TMTC4: variants seen among roughly 807,000 people sequenced by gnomAD.
TMTC4 encodes transmembrane O-mannosyltransferase targeting cadherins 4, also known as protein O-mannosyl-transferase TMTC4.
In TMTC4, 65 loss-of-function variants were observed where a neutral mutation model predicts 86.0. The observed-to-expected ratio is 0.76, with a 90% CI of 0.62 to 0.93. TMTC4 has a LOEUF of 0.93. TMTC4 is among the 40% of genes least tolerant of loss of function. The probability of loss-of-function intolerance (pLI) is 0.00; values close to 1 mark genes in which losing one functional copy is unlikely to be tolerated. For synonymous variants in TMTC4, 379 were observed against 382.5 expected (o/e 0.99, Z 0.11); for missense variants, 866 against 948.1 (o/e 0.91, Z 1.14).
At chr13:100,632,358 T>C (rs907956527) in intron 12 of TMTC4, among the ~76,000 whole-genome samples, 18 of 152,176 alleles carry the variant, frequency 1.2e-4, no homozygotes, top group African/African-American at 4.1e-4. Flanking sequence ...TAATACGCTG[T>C]CTCTCTAAAA....
intron 15 of TMTC4, 57 bp downstream of exon 15, chr13:100,625,478 T>A: frequency 6.2e-7 from 1 of 1,604,180 alleles, no homozygotes; most frequent in Non-Finnish European, 8.5e-7. Context: ...CATTTTATTA[T>A]AAATAAGAAA....
At chr13:100,664,413 G>T in intron 3 of TMTC4, 77 bp from the exon 4 acceptor site, 2 of 1,053,878 alleles carry the variant, frequency 1.9e-6, no homozygotes, top group Non-Finnish European at 2.7e-6. Flanking sequence ...TCTCTCACCT[G>T]GGATGCAGTC....
At chr13:100,653,607 G>A (rs1240611603) in intron 6 of TMTC4, among the ~76,000 whole-genome samples, 4 of 152,194 alleles carry the variant, frequency 2.6e-5, no homozygotes, top group South Asian at 2.1e-4. Context: ...AAGAATCCAC[G>A]TGGCTCTGCG....
At position 100,664,301 on chromosome 13, in the gene TMTC4, C is replaced by T. The variant is rs1337835702; in HGVS notation, c.255G>A (p.Trp85Ter). 2 of 1,611,502 alleles carry T rather than the reference C, an allele frequency of 1.2e-6. No homozygotes were observed. The highest frequency in any genetic ancestry group is 1.7e-6 in the Non-Finnish European group (2 of 1,178,794). The change falls in exon 4 of 19, where the codon TGG (tryptophan) becomes TGA (stop). Residue 85 changes from tryptophan (W) to a stop codon, truncating the protein, a stop_gained. Transcript: ENST00000342624. LOFTEE classifies it high-confidence loss of function. Reference protein sequence around the residue: ...LQAETPLGDLWHHDFWGSRLS... With the variant: ...LQAETPLGDL ...GTCTACTGCCCCAGAAGTCATGATG[C>T]CACAGGTCCCCCAGGGGCGTTTCTG...
At chr13:100,627,397 G>A (rs890883219) in intron 12 of TMTC4, among the ~76,000 whole-genome samples, 2 of 152,190 alleles carry the variant, frequency 1.3e-5, no homozygotes, top group Admixed American at 6.5e-5. Context: ...CACAGTCCTG[G>A]AGGCTGAGAT....
chr13:100,633,710 A>G (rs1327801894), intron 12 of TMTC4, among the ~76,000 whole-genome samples: 6 of 152,260 alleles, frequency 3.9e-5, no homozygotes, highest in Non-Finnish European at 5.9e-5. Context: ...GGTAAAGCCT[A>G]CTATACACCT....
At chr13:100,670,701 C>A (rs1483561377) in intron 1 of TMTC4, 132 bp from the exon 2 acceptor site, 2 of 257,578 alleles carry the variant, frequency 7.8e-6, no homozygotes, top group Non-Finnish European at 1.5e-5. Context: ...GTAATCCCAG[C>A]ACTTTGGGAG....
rs182910682 is a variant in TMTC4, at chr13:100,659,634, C to T, written c.553-3166G>A. On this transcript the variant is annotated intron_variant, in intron 5 of 18. Coordinates refer to ENST00000342624, the MANE Select transcript of TMTC4 (RefSeq NM_032813.5). ...CCAGCAGACCAGGGGCTGTGTGGCC[C>T]TCCCAGGCTCTCCTCCTTGCAGTAG... 3.1e-3 allele frequency among the ~76,000 whole-genome samples: 472 copies of T among 152,090 alleles called. 4 individuals carry two copies. The highest frequency in any genetic ancestry group is 0.022 in the South Asian group (105 of 4,796).
intron 13 of TMTC4, 56 bp downstream of exon 13, chr13:100,626,015 T>C (rs762700699): frequency 6.2e-6 from 10 of 1,608,410 alleles, no homozygotes; most frequent in Non-Finnish European, 8.5e-6. Flanking sequence ...TGTTTCATAT[T>C]AGAAAGTGAA....
At chr13:100,644,471 C>T (rs1349535040) in intron 6 of TMTC4, among the ~76,000 whole-genome samples, 1 of 152,056 alleles carries the variant, frequency 6.6e-6, no homozygotes, top group Non-Finnish European at 1.5e-5. Flanking sequence ...AAGGCCTGTC[C>T]CCAGCTGGGC....
intron 12 of TMTC4, among the ~76,000 whole-genome samples, chr13:100,631,255 C>T (rs1881317826): frequency 6.6e-6 from 1 of 152,186 alleles, no homozygotes; most frequent in South Asian, 2.1e-4. Context: ...TTATGAAAGG[C>T]ACCTTTAATA....
intron 6 of TMTC4, among the ~76,000 whole-genome samples, chr13:100,648,576 T>G (rs1283490843): frequency 6.6e-6 from 1 of 152,242 alleles, no homozygotes; most frequent in Non-Finnish European, 1.5e-5. Context: ...TTGCTATGTT[T>G]GTATCCAGCT....
At position 100,673,057 on chromosome 13, in the gene TMTC4, C is replaced by T. The variant is rs549490450; in HGVS notation, c.-208+1687G>A. On this transcript the variant is annotated intron_variant, in intron 1 of 18. Transcript: ENST00000342624. ...TCTGCTCGCTACCTGACTCCTGCGA[C>T]AGAATCAACTGGCCCCTCAACAGGG... Among the ~76,000 whole-genome samples the T allele has an allele frequency of 2.6e-5, 4 of 152,308 alleles. No homozygotes were observed. The East Asian group carries it at 7.7e-4, about 29-fold the overall frequency.
intron 5 of TMTC4, 122 bp downstream of exon 5, chr13:100,662,842 T>A: frequency 1.0e-6 from 1 of 988,854 alleles, no homozygotes; most frequent in South Asian, 1.4e-5. Context: ...TGGAGTAGAC[T>A]TTCTCCAGCT....
intron 2 of TMTC4, among the ~76,000 whole-genome samples, chr13:100,669,188 T>C (rs922501746): frequency 6.6e-6 from 1 of 152,168 alleles, no homozygotes; most frequent in Non-Finnish European, 1.5e-5. Context: ...ATAGTCATTG[T>C]TGGGTTTTAG....
chr13:100,642,178 A>G, intron 7 of TMTC4, 33 bp downstream of exon 7: 2 of 1,610,482 alleles, frequency 1.2e-6, no homozygotes, highest in South Asian at 1.1e-5. Flanking sequence ...GACACACAGA[A>G]AAAGCAGGCC....
chr13:100,651,449 T>A (rs1310931781), intron 6 of TMTC4, among the ~76,000 whole-genome samples: 1 of 142,204 alleles, frequency 7.0e-6, no homozygotes, highest in African/African-American at 2.7e-5. Flanking sequence ...CATCTACTTT[T>A]AAAAAATTCT....
chr13:100,610,863 G>A (rs1877452195), intron 17 of TMTC4, among the ~76,000 whole-genome samples: 1 of 152,216 alleles, frequency 6.6e-6, no homozygotes, highest in African/African-American at 2.4e-5. Context: ...CAGGCTGACA[G>A]ATGGCTGGAA....
intron 5 of TMTC4, among the ~76,000 whole-genome samples, chr13:100,662,070 C>T (rs1050088640): frequency 6.6e-5 from 10 of 151,992 alleles, no homozygotes; most frequent in African/African-American, 2.4e-4. Flanking sequence ...ATTCCAAACA[C>T]ACAGAGGCAG....
Sources: allele counts gnomAD v4.1 joint callset (sites outside exome capture counted in the v4.1 genomes callset), GRCh38; gene constraint gnomAD v4.1.1; transcripts MANE v1.5; gene names NCBI Gene and HGNC (gene_info 2026-07-23, HGNC 2026-07-21).